Variants in RACGAP1 observed in about 807,000 individuals in gnomAD.
RACGAP1 encodes the protein Rac GTPase activating protein 1.
Under a neutral mutation model 78.1 loss-of-function variants are expected in RACGAP1, and 30 were observed. The observed-to-expected ratio is 0.38, with a 90% CI of 0.29 to 0.52. RACGAP1 has a LOEUF of 0.52. Among genes scored for constraint, RACGAP1 ranks in the 20% least tolerant of loss-of-function variants. The probability of loss-of-function intolerance (pLI) is 0.82; values close to 1 mark genes in which losing one functional copy is unlikely to be tolerated. For missense variants in RACGAP1, 587 were observed against 777.1 expected (o/e 0.76, Z 2.91); for synonymous variants, 231 against 264.8 (o/e 0.87, Z 1.24).
chr12:50,005,487 G>A (rs753963007), intron 3 of RACGAP1, 95 bp from the exon 4 acceptor site: 190 of 1,408,642 alleles, frequency 1.3e-4, no homozygotes, highest in Non-Finnish European at 1.7e-4. Context: ...ACATTAAAAT[G>A]CAGCATTATG....
Position 49,989,719 on chromosome 12 carries a change from T to G in RACGAP1, c.*549A>C, listed in dbSNP as rs1455466502. On this transcript the variant is annotated 3_prime_UTR_variant, in exon 17 of 17. Transcript: ENST00000312377. ...CTAGTTCTGTCCTCAATGCATCCCA[T>G]TTTTATGAAAGCTCCATATTATAGC... 6.5e-6 allele frequency: 1 copy of G among 152,748 alleles called. No individual in the cohort carries two copies. Among genetic ancestry groups the G allele is most frequent in the African/African-American group, 2.4e-5 (1 of 41,444 alleles). 9.5% of individuals were successfully genotyped at this position (152,748 alleles called of 1,614,324 possible).
chr12:49,994,757 T>C (rs1948141325), intron 10 of RACGAP1, among the ~76,000 whole-genome samples: 1 of 152,224 alleles, frequency 6.6e-6, no homozygotes, highest in Non-Finnish European at 1.5e-5. Context: ...CACTGTTATG[T>C]GAACAAGGAA....
At chr12:50,002,395 C>A in intron 5 of RACGAP1, 95 bp from the exon 6 acceptor site, 1 of 1,040,822 alleles carries the variant, frequency 9.6e-7, no homozygotes, top group South Asian at 1.5e-5. Flanking sequence ...AAGGCTTCTT[C>A]AGTCAGGCTA....
rs1438684670 is a variant in RACGAP1 at position 50,016,612 on chromosome 12, C to T, written c.85+19G>A. 3 of 1,606,092 alleles carry T rather than the reference C, an allele frequency of 1.9e-6. No individual in the cohort carries two copies. Among genetic ancestry groups the T allele is most frequent in the Non-Finnish European group, 2.6e-6 (3 of 1,173,354 alleles). On this transcript the variant is annotated intron_variant, in intron 2 of 16. Transcript: ENST00000312377. Reference sequence around the variant, plus strand: ...GAAATCTGTTTTTCCTTTGGACAGGCCAGCTCAGAATGACTTACGGACTTC... The same window carrying T: ...GAAATCTGTTTTTCCTTTGGACAGGTCAGCTCAGAATGACTTACGGACTTC...
intron 9 of RACGAP1, 41 bp downstream of exon 9, chr12:49,999,100 C>T (rs763973280): frequency 1.9e-6 from 3 of 1,548,552 alleles, no homozygotes; most frequent in Non-Finnish European, 2.6e-6. Flanking sequence ...ATTACTTTCA[C>T]AATTAAAAAA....
upstream of RACGAP1, among the ~76,000 whole-genome samples, chr12:50,028,293 G>T (rs1226753821): frequency 6.6e-6 from 1 of 152,096 alleles, no homozygotes; most frequent in African/African-American, 2.4e-5. Flanking sequence ...AGTGTAGAAT[G>T]CCTCAGCTTT....
intron 4 of RACGAP1, 136 bp from the exon 5 acceptor site, chr12:50,004,440 C>A: frequency 7.4e-7 from 1 of 1,356,410 alleles, no homozygotes; most frequent in South Asian, 1.8e-5. Flanking sequence ...GAGACAATTA[C>A]AATCTCAAAC....
intron 2 of RACGAP1, 118 bp from the exon 3 acceptor site, chr12:50,006,754 T>C: frequency 9.7e-7 from 1 of 1,027,214 alleles, no homozygotes; most frequent in South Asian, 1.5e-5. Flanking sequence ...AGCTGAACTA[T>C]GGGCAAATCC....
At chr12:50,004,965 T>C (rs189356332) in intron 4 of RACGAP1, among the ~76,000 whole-genome samples, 1 of 152,330 alleles carries the variant, frequency 6.6e-6, no homozygotes, top group Admixed American at 6.5e-5. Flanking sequence ...ACTTTCACCT[T>C]TGGGTTTCTT....
chr12:49,997,046 A>C lies in RACGAP1; in HGVS notation c.1038T>G (p.Ile346Met). The change falls in exon 10 of 17, where the codon ATT becomes ATG. Residue 346 changes from isoleucine (I) to methionine (M), a missense_variant. Ile to Met is a conservative substitution (Grantham distance 10). Transcript: ENST00000312377. ...IPTLIGTPVK[I>M]GEGMLADFVS... is the part of the protein sequence containing the mutation. Reference sequence around the variant, plus strand: ...CGGCTTGCATAAGTCATACCTCTCCAATCTTGACAGGTGTTCCTATCAGGG... The same window carrying C: ...CGGCTTGCATAAGTCATACCTCTCCCATCTTGACAGGTGTTCCTATCAGGG... 6.5e-7 allele frequency: 1 copy of C among 1,535,304 alleles called. No homozygotes were observed. The highest frequency in any genetic ancestry group is 1.2e-5 in the South Asian group (1 of 81,984).
chr12:50,004,881 C>T (rs1463236499), intron 4 of RACGAP1, among the ~76,000 whole-genome samples: 1 of 152,168 alleles, frequency 6.6e-6, no homozygotes, highest in Non-Finnish European at 1.5e-5. Context: ...TCTTGGCTCA[C>T]AGAGGCCTTT....
At position 49,997,080 on chromosome 12, in the gene RACGAP1, C is replaced by T; in HGVS notation, c.1004G>A (p.Cys335Tyr). ...AGGTGTTCCTATCAGGGTAGGAATG[C>T]AGGGAAGGGGACAGCGGTCCCGACA... ...PECRDRCPLPCIPTLIGTPVK... is the reference protein window; with the variant it reads ...PECRDRCPLPYIPTLIGTPVK... Residue 335 changes from cysteine (C) to tyrosine (Y), a missense_variant, in exon 10 of 17, where the codon TGC (cysteine) becomes TAC (tyrosine). Coordinates refer to ENST00000312377, the MANE Select transcript of RACGAP1 (RefSeq NM_001319999.2). 1.9e-6 allele frequency: 3 copies of T among 1,592,602 alleles called. No homozygotes were observed. Among genetic ancestry groups the T allele is most frequent in the Non-Finnish European group, 2.6e-6 (3 of 1,164,382 alleles).
Position 49,994,341 on chromosome 12 carries a change from A to G in RACGAP1, c.1141-12T>C. On this transcript the variant is annotated splice_polypyrimidine_tract_variant and intron_variant, in intron 11 of 16. Transcript: ENST00000312377. ...CTATACAGGCCTGTCTATTATCAAG[A>G]TGACATTTTTATTTAAAAACCTCCG... is the stretch of plus-strand genomic sequence containing the variant. The G allele has an allele frequency of 2.5e-6, 4 of 1,612,828 alleles. No homozygotes were observed. The highest frequency in any genetic ancestry group is 3.4e-6 in the Non-Finnish European group (4 of 1,179,690).
chr12:50,021,159 TC>T, intron 1 of RACGAP1: 1 of 976,284 alleles, frequency 1.0e-6, no homozygotes, highest in Non-Finnish European at 1.2e-6. Context: ...TATTATTTAG[TC>T]CATAGCTAGG....
intron 15 of RACGAP1, among the ~76,000 whole-genome samples, chr12:49,991,479 ATTTTTT>A (rs1197357619): frequency 4.2e-5 from 1 of 24,088 alleles, no homozygotes; most frequent in Non-Finnish European, 8.4e-5. Flanking sequence ...ATATATATAT[ATTTTTT>A]TTTTTTTTTT....
intron 10 of RACGAP1, among the ~76,000 whole-genome samples, chr12:49,995,926 C>T (rs1252764173): frequency 2.0e-5 from 3 of 152,094 alleles, no homozygotes; most frequent in Non-Finnish European, 4.4e-5. Flanking sequence ...ATAATTTTAT[C>T]ACAGATAAAA....
chr12:49,994,864 A>T (rs1213367329), intron 10 of RACGAP1, among the ~76,000 whole-genome samples: 1 of 152,234 alleles, frequency 6.6e-6, no homozygotes, highest in Non-Finnish European at 1.5e-5. Flanking sequence ...AATATAAAAT[A>T]ATTTATTACT....
intron 1 of RACGAP1, among the ~76,000 whole-genome samples, chr12:50,024,086 G>A (rs1371513702): frequency 1.3e-5 from 2 of 152,154 alleles, no homozygotes; most frequent in South Asian, 2.1e-4. Flanking sequence ...GCGTGAATCC[G>A]GGAGGCGGAG....
upstream of RACGAP1, among the ~76,000 whole-genome samples, chr12:50,027,283 C>A (rs1410750626): frequency 1.3e-5 from 2 of 152,060 alleles, no homozygotes; most frequent in African/African-American, 4.8e-5. Flanking sequence ...ATTGCATTAG[C>A]CTGTGCCTGC....
Sources: gnomAD v4.1 joint callset for allele counts (sites outside exome capture counted in the v4.1 genomes callset) on GRCh38, gnomAD v4.1.1 for gene constraint, MANE v1.5 for transcripts, NCBI Gene and HGNC (gene_info 2026-07-23, HGNC 2026-07-21) for gene names.